The following DPP6 variants were observed in gnomAD, a reference collection of about 807,000 sequenced individuals.
DPP6 encodes dipeptidyl peptidase like 6, also known as A-type potassium channel modulatory protein DPP6.
In DPP6, 69 loss-of-function variants were observed where a neutral mutation model predicts 122.6. The ratio of observed to expected loss-of-function variants is 0.56; its 90% CI spans 0.46 to 0.69. The LOEUF is 0.69. Ranked by LOEUF, DPP6 falls within the 30% of genes least tolerant of loss-of-function variation. The pLI, the probability that DPP6 is intolerant of heterozygous loss-of-function variation, is 0.00. For missense variants in DPP6, 928 were observed against 1,116.9 expected (o/e 0.83, Z 2.41); for synonymous variants, 418 against 433.1 (o/e 0.97, Z 0.43).
At chr7:154,634,601 G>A (rs974693535) in intron 5 of DPP6, among the ~76,000 whole-genome samples, 7 of 151,990 alleles carry the variant, frequency 4.6e-5, no homozygotes, top group African/African-American at 9.7e-5. Context: ...CGGTACAGAC[G>A]AACAATTAAA....
chr7:154,599,642 G>T lies in DPP6; in HGVS notation c.627+32726G>T, dbSNP rs572831697. 4.0e-5 allele frequency among the ~76,000 whole-genome samples: 6 copies of T among 151,778 alleles called. No homozygotes were observed. In the South Asian group the frequency reaches 6.3e-4, roughly 16 times the overall value. On this transcript the variant is annotated intron_variant, in intron 5 of 25. Transcript: ENST00000377770. The stretch of plus-strand genomic sequence containing the variant: ...CCCATTAACTCGTCATTTACATTAG[G>T]TATATCTCCTAATGCTATCCCTCCC...
intron 2 of DPP6, 75 bp from the exon 3 acceptor site, chr7:154,474,864 A>G (rs1586384801): frequency 8.7e-7 from 1 of 1,153,564 alleles, no homozygotes; most frequent in Non-Finnish European, 1.3e-6. Context: ...ATAAATGACA[A>G]TCAGAATGTT....
At chr7:154,335,983 G>A (rs771074435) in intron 1 of DPP6, among the ~76,000 whole-genome samples, 18 of 152,058 alleles carry the variant, frequency 1.2e-4, no homozygotes, top group Non-Finnish European at 2.1e-4. Flanking sequence ...GCTGTGATCT[G>A]TACCCCCAGA....
chr7:153,940,788 T>C (rs1209428904), intron 1 of DPP6, among the ~76,000 whole-genome samples: 1 of 152,226 alleles, frequency 6.6e-6, no homozygotes, highest in African/African-American at 2.4e-5. Context: ...TTCCTGTCTC[T>C]ACTCTTTAAG....
intron 10 of DPP6, among the ~76,000 whole-genome samples, chr7:154,780,301 G>A (rs1419391648): frequency 2.0e-5 from 3 of 152,234 alleles, no homozygotes; most frequent in Non-Finnish European, 4.4e-5. Context: ...TGCTGTAGGA[G>A]GCTGGAAATC....
At chr7:154,085,186 T>C (rs1226076758) in intron 1 of DPP6, among the ~76,000 whole-genome samples, 1 of 152,208 alleles carries the variant, frequency 6.6e-6, no homozygotes, top group Non-Finnish European at 1.5e-5. Flanking sequence ...TGACTTAGCC[T>C]ACACACTGGG....
chr7:154,351,724 T>C (rs918878015), intron 1 of DPP6, among the ~76,000 whole-genome samples: 1 of 152,136 alleles, frequency 6.6e-6, no homozygotes, highest in Non-Finnish European at 1.5e-5. Flanking sequence ...AAGAGGCCAA[T>C]TAATGTGCCC....
chr7:153,772,895 G>T, the DPP6 span, among the ~76,000 whole-genome samples: 1 of 142,680 alleles, frequency 7.0e-6, no homozygotes, highest in African/African-American at 2.6e-5. Context: ...TCATAGAAAA[G>T]ACTTTTATAT....
chr7:153,954,473 G>C (rs2129023643), intron 1 of DPP6, among the ~76,000 whole-genome samples: 1 of 152,328 alleles, frequency 6.6e-6, no homozygotes, highest in Admixed American at 6.5e-5. Context: ...CGGTTTACCA[G>C]ATTGGCACCT....
At chr7:154,086,862 C>G (rs1804463903) in intron 1 of DPP6, among the ~76,000 whole-genome samples, 1 of 152,146 alleles carries the variant, frequency 6.6e-6, no homozygotes, top group African/African-American at 2.4e-5. Context: ...CATGATCCAC[C>G]TGCCTTGGCC....
chr7:154,076,342 C>T (rs923315783), intron 1 of DPP6, among the ~76,000 whole-genome samples: 6 of 151,704 alleles, frequency 4.0e-5, no homozygotes, highest in African/African-American at 9.7e-5. Flanking sequence ...CCCAGCTACT[C>T]GGGAGGCTGA....
chr7:154,797,024 G>A (rs1798087807), intron 12 of DPP6, among the ~76,000 whole-genome samples: 1 of 152,276 alleles, frequency 6.6e-6, no homozygotes, highest in Non-Finnish European at 1.5e-5. Flanking sequence ...TAGCATGCTG[G>A]AAAGTTCTTG....
the DPP6 span, among the ~76,000 whole-genome samples, chr7:153,761,156 G>A: frequency 1.1e-4 from 16 of 152,212 alleles, no homozygotes; most frequent in South Asian, 2.1e-4. Context: ...CCAGTGTCTC[G>A]AAATATGTTG....
intron 1 of DPP6, among the ~76,000 whole-genome samples, chr7:154,116,430 A>G (rs1188417304): frequency 6.6e-6 from 1 of 152,242 alleles, no homozygotes. Context: ...TGATTACTGC[A>G]CAATGGCTTT....
At chr7:154,244,457 C>T (rs1015084982) in intron 1 of DPP6, among the ~76,000 whole-genome samples, 8 of 151,956 alleles carry the variant, frequency 5.3e-5, no homozygotes, top group African/African-American at 1.7e-4. Flanking sequence ...ATGAAGGATA[C>T]CAAAAATAGT....
At chr7:154,191,706 GTCTGTT>G in intron 1 of DPP6, among the ~76,000 whole-genome samples, 1 of 152,280 alleles carries the variant, frequency 6.6e-6, no homozygotes, top group South Asian at 2.1e-4. Context: ...AATGCGTCGA[GTCTGTT>G]TCTAACCAGG....
chr7:154,663,625 G>A (rs1419523483), intron 6 of DPP6, among the ~76,000 whole-genome samples: 5 of 32,088 alleles, frequency 1.6e-4, no homozygotes, highest in Admixed American at 4.7e-4. Flanking sequence ...TAGTGTTCAC[G>A]CAGTCATGGT....
At chr7:154,658,036 G>A (rs374860547) in intron 6 of DPP6, among the ~76,000 whole-genome samples, 28 of 152,322 alleles carry the variant, frequency 1.8e-4, no homozygotes, top group African/African-American at 6.5e-4. Context: ...GGTGGGGTGG[G>A]AAGGATGAAT....
chr7:154,020,667 C>T (rs1202200276), intron 1 of DPP6, among the ~76,000 whole-genome samples: 1 of 152,204 alleles, frequency 6.6e-6, no homozygotes, highest in Non-Finnish European at 1.5e-5. Flanking sequence ...TTTAAATAGC[C>T]TCTGACCTCA....
Sources: gnomAD v4.1 joint callset for allele counts (sites outside exome capture counted in the v4.1 genomes callset) on GRCh38, gnomAD v4.1.1 for gene constraint, MANE v1.5 for transcripts, NCBI Gene and HGNC (gene_info 2026-07-23, HGNC 2026-07-21) for gene names.